Variants in BACH2 observed in about 807,000 individuals in gnomAD.
BACH2 encodes transcription regulator protein BACH2.
In BACH2, 5 loss-of-function variants were observed where a neutral mutation model predicts 61.8. That is an observed-to-expected ratio of 0.08 (90% CI 0.04 to 0.17). BACH2 has a LOEUF of 0.17. Ranked by LOEUF, BACH2 falls within the 10% of genes least tolerant of loss-of-function variation. The pLI is 1.00. For synonymous variants in BACH2, 446 were observed against 440.1 expected (o/e 1.01, Z -0.17); for missense variants, 824 against 1,091.1 (o/e 0.76, Z 3.45).
At chr6:90,280,354 G>T (rs889270024) in intron 1 of BACH2, among the ~76,000 whole-genome samples, 1 of 152,120 alleles carries the variant, frequency 6.6e-6, no homozygotes, top group Non-Finnish European at 1.5e-5. Flanking sequence ...TCTTATAGGT[G>T]CCCAAATACA....
intron 1 of BACH2, among the ~76,000 whole-genome samples, chr6:90,282,634 A>G (rs1307988692): frequency 6.6e-6 from 1 of 151,846 alleles, no homozygotes; most frequent in Admixed American, 6.6e-5. Flanking sequence ...TGTGTCTTAG[A>G]ATAATTTATA....
intron 4 of BACH2, among the ~76,000 whole-genome samples, chr6:90,095,144 C>T (rs12206556): frequency 0.042 from 6,434 of 152,092 alleles, 177 homozygotes; most frequent in Non-Finnish European, 0.069. Context: ...GGAGTAGTCG[C>T]ACGCCATTTT....
chr6:90,194,632 T>C lies in BACH2; in HGVS notation c.-162+11937A>G, dbSNP rs79809140. ...GAGAAACAGAAGTCTCAAAGGTATT[T>C]GGAAGCCCACTCCAAACTGTTAGGG... is the stretch of plus-strand genomic sequence containing the variant. On this transcript the variant is annotated intron_variant, in intron 4 of 8. Transcript: ENST00000257749. 8.1e-4 allele frequency among the ~76,000 whole-genome samples: 124 copies of C among 152,330 alleles called. No homozygotes were observed. The East Asian group carries it at 0.019, about 23-fold the overall frequency.
intron 6 of BACH2, among the ~76,000 whole-genome samples, chr6:89,968,821 A>G (rs551958218): frequency 1.6e-4 from 25 of 152,056 alleles, no homozygotes; most frequent in Non-Finnish European, 3.2e-4. Flanking sequence ...GACCAGCCTG[A>G]CCAACATGGT....
intron 6 of BACH2, among the ~76,000 whole-genome samples, chr6:89,964,881 T>C (rs991404295): frequency 1.6e-4 from 24 of 152,160 alleles, no homozygotes; most frequent in African/African-American, 5.5e-4. Context: ...ACAGACCTTA[T>C]TAGATGTAAT....
At chr6:90,055,367 G>GT (rs1780281888) in intron 5 of BACH2, among the ~76,000 whole-genome samples, 1 of 152,156 alleles carries the variant, frequency 6.6e-6, no homozygotes, top group Non-Finnish European at 1.5e-5. Flanking sequence ...GGAAGAAAGG[G>GT]TATCAGTGAT....
At chr6:90,041,666 G>A (rs995208447) in intron 5 of BACH2, among the ~76,000 whole-genome samples, 1 of 151,918 alleles carries the variant, frequency 6.6e-6, no homozygotes, top group Non-Finnish European at 1.5e-5. Context: ...AGACAATTAT[G>A]GATTTTTAAA....
chr6:89,975,826 TC>T (rs1462132690), intron 6 of BACH2, among the ~76,000 whole-genome samples: 1 of 152,230 alleles, frequency 6.6e-6, no homozygotes, highest in African/African-American at 2.4e-5. Context: ...ATACCATCTT[TC>T]AGAGGTCCCA....
intron 4 of BACH2, among the ~76,000 whole-genome samples, chr6:90,136,890 G>A (rs1784288925): frequency 1.3e-5 from 2 of 150,928 alleles, no homozygotes; most frequent in Admixed American, 1.3e-4. Context: ...AAGGAAATTA[G>A]CATGTGAGAA....
chr6:90,208,991 G>C (rs1216105513), intron 3 of BACH2, among the ~76,000 whole-genome samples: 1 of 149,940 alleles, frequency 6.7e-6, no homozygotes, highest in Non-Finnish European at 1.5e-5. Context: ...CTCATAAGTG[G>C]GAGTTGAACA....
Position 90,209,822 on chromosome 6 carries a change from C to A in BACH2, c.-274-3141G>T, listed in dbSNP as rs192999044. 2.1e-3 allele frequency among the ~76,000 whole-genome samples: 315 copies of A among 152,176 alleles called. 4 individuals are homozygous for A. The highest frequency in any genetic ancestry group is 7.0e-3 in the African/African-American group (289 of 41,500). On this transcript the variant is annotated intron_variant, in intron 3 of 8. Coordinates refer to ENST00000257749, the MANE Select transcript of BACH2 (RefSeq NM_021813.4). ...ATTTTCATGTATGTTGTTTTACAAC[C>A]GAAACAGGCTAAAAACCCTTTGAGG...
intron 5 of BACH2, among the ~76,000 whole-genome samples, chr6:90,048,497 C>G (rs1779892469): frequency 6.6e-6 from 1 of 152,132 alleles, no homozygotes; most frequent in Admixed American, 6.5e-5. Flanking sequence ...CAATGCAATA[C>G]AAAACTTTAT....
intron 5 of BACH2, among the ~76,000 whole-genome samples, chr6:90,052,622 T>C (rs1359081592): frequency 6.6e-6 from 1 of 152,192 alleles, no homozygotes; most frequent in African/African-American, 2.4e-5. Context: ...GGTTTCGCCA[T>C]GTTGGCCAGG....
At chr6:90,100,702 GAC>G (rs372719418) in intron 4 of BACH2, among the ~76,000 whole-genome samples, 696 of 63,932 alleles carry the variant, frequency 0.011, 6 homozygotes, top group Middle Eastern at 0.021. Flanking sequence ...CACACACACA[GAC>G]ACACACACAC....
chr6:89,949,610 AC>A (rs945229724), intron 7 of BACH2, among the ~76,000 whole-genome samples: 1 of 152,054 alleles, frequency 6.6e-6, no homozygotes, highest in Non-Finnish European at 1.5e-5. Flanking sequence ...CTGCTACTCT[AC>A]CCCACTACTT....
intron 4 of BACH2, among the ~76,000 whole-genome samples, chr6:90,171,984 T>C (rs938716026): frequency 1.3e-5 from 2 of 152,068 alleles, no homozygotes; most frequent in Admixed American, 6.6e-5. Flanking sequence ...CATAAACTTA[T>C]ACAAAAATGA....
chr6:90,024,450 C>T (rs987934887), intron 5 of BACH2, among the ~76,000 whole-genome samples: 3 of 152,174 alleles, frequency 2.0e-5, no homozygotes, highest in Non-Finnish European at 4.4e-5. Flanking sequence ...CAGGCCTTTG[C>T]TTTGCAGTAA....
chr6:90,135,980 C>G (rs996851552), intron 4 of BACH2, among the ~76,000 whole-genome samples: 1 of 152,184 alleles, frequency 6.6e-6, no homozygotes, highest in Non-Finnish European at 1.5e-5. Context: ...TACTTCTTAT[C>G]TTGGCTGCTT....
At chr6:90,039,635 C>A (rs938759522) in intron 5 of BACH2, among the ~76,000 whole-genome samples, 2 of 152,260 alleles carry the variant, frequency 1.3e-5, no homozygotes, top group African/African-American at 4.8e-5. Context: ...CTGCTCGCCT[C>A]GGCCTCCCAA....
Sources: gnomAD v4.1 joint callset for allele counts (sites outside exome capture counted in the v4.1 genomes callset) on GRCh38, gnomAD v4.1.1 for gene constraint, MANE v1.5 for transcripts, NCBI Gene and HGNC (gene_info 2026-07-23, HGNC 2026-07-21) for gene names.